GTF3C5: variants seen among roughly 807,000 people sequenced by gnomAD.
The protein encoded by GTF3C5 is general transcription factor IIIC subunit 5, also known as general transcription factor 3C polypeptide 5.
GTF3C5 carries 47 observed loss-of-function variants against 61.0 expected under a neutral mutation model. The observed-to-expected ratio is 0.77, with a 90% CI of 0.61 to 0.98. The LOEUF is 0.98. Ranked by LOEUF, GTF3C5 falls within the 50% of genes least tolerant of loss-of-function variation. The probability of loss-of-function intolerance (pLI) is 0.00; values close to 1 mark genes in which losing one functional copy is unlikely to be tolerated. For synonymous variants in GTF3C5, 295 were observed against 275.4 expected (o/e 1.07, Z -0.71); for missense variants, 659 against 703.3 (o/e 0.94, Z 0.71).
chr9:133,032,052 C>G (rs1244126945), intron 1 of GTF3C5, among the ~76,000 whole-genome samples: 1 of 152,134 alleles, frequency 6.6e-6, no homozygotes, highest in Non-Finnish European at 1.5e-5. Context: ...ACTCATAACT[C>G]ATTGTATTTA....
chr9:133,044,856 A>C (rs989754606), intron 3 of GTF3C5, among the ~76,000 whole-genome samples: 1 of 152,116 alleles, frequency 6.6e-6, no homozygotes, highest in Non-Finnish European at 1.5e-5. Flanking sequence ...ACCGAGAGCT[A>C]TGAAAAGCCA....
chr9:133,045,760 C>T (rs576588577), intron 3 of GTF3C5, among the ~76,000 whole-genome samples: 209 of 152,310 alleles, frequency 1.4e-3, no homozygotes, highest in African/African-American at 4.6e-3. Context: ...CCTCAGCCTC[C>T]TGAGTAGTTG....
intron 2 of GTF3C5, 107 bp from the exon 3 acceptor site, chr9:133,043,621 C>T: frequency 1.2e-6 from 1 of 866,154 alleles, no homozygotes; most frequent in Admixed American, 1.9e-5. Context: ...CTGCAGCCTC[C>T]ACCACATGGC....
intron 7 of GTF3C5, 111 bp from the exon 8 acceptor site, chr9:133,054,601 C>A (rs1829873137): frequency 4.3e-6 from 6 of 1,407,788 alleles, no homozygotes; most frequent in Non-Finnish European, 4.9e-6. Context: ...CTCTGCCGGT[C>A]ATTCCTCCCC....
Position 133,055,742 on chromosome 9 carries a change from C to T in GTF3C5, c.1168-270C>T, listed in dbSNP as rs571757158. ...GCTAGTGCCAGCCCCATGCCATGGG[C>T]GCCATGGCCTGCTGCACGGGCGGGC... On this transcript the variant is annotated intron_variant, in intron 8 of 10. Coordinates refer to ENST00000372097, the MANE Select transcript of GTF3C5 (RefSeq NM_012087.4). 1.6e-4 allele frequency: 206 copies of T among 1,305,682 alleles called. No individual in the cohort carries two copies. In the South Asian group the frequency reaches 2.0e-3, roughly 12 times the overall value. 80.9% of individuals were successfully genotyped at this position (1,305,682 alleles called of 1,614,324 possible).
In GTF3C5 at chr9:133,050,991, C is replaced by G. The variant is rs376674843; in HGVS notation, c.768+13C>G. The G allele has an allele frequency of 1.0e-5, 16 of 1,577,642 alleles. No individual in the cohort carries two copies. The African/African-American group carries it at 2.0e-4, about 20-fold the overall frequency. On this transcript the variant is annotated intron_variant, in intron 4 of 10. Transcript: ENST00000372097. ...GGAGCTGAGGAAGGCAAGTCCTGCGCTGCGCCTGGCCCCGGTGGCTCCAGC... is the reference window on the plus strand; with the variant it reads ...GGAGCTGAGGAAGGCAAGTCCTGCGGTGCGCCTGGCCCCGGTGGCTCCAGC...
intron 9 of GTF3C5, 57 bp from the exon 10 acceptor site, chr9:133,056,709 T>C: frequency 6.7e-7 from 1 of 1,492,240 alleles, no homozygotes; most frequent in East Asian, 2.4e-5. Context: ...AACACTGGCA[T>C]CTCTTAGCAG....
chr9:133,033,572 A>C (rs1343696446), intron 1 of GTF3C5, among the ~76,000 whole-genome samples: 1 of 152,178 alleles, frequency 6.6e-6, no homozygotes, highest in Non-Finnish European at 1.5e-5. Flanking sequence ...GATAGCCCTC[A>C]GGGGCTGACC....
Position 133,031,128 on chromosome 9 carries a change from G to A in GTF3C5, c.117G>A (p.Met39Ile). Residue 39 changes from methionine to isoleucine, a missense_variant, in exon 1 of 11, where the codon ATG becomes ATA. Coordinates refer to ENST00000372097, the MANE Select transcript of GTF3C5 (RefSeq NM_012087.4). Reference protein sequence around the residue: ...YPGVVRDVAKMLPTLGGEEGV... With the variant: ...YPGVVRDVAKILPTLGGEEGV... ...GAGTGGTGCGTGATGTGGCTAAGAT[G>A]CTGCCGACTCTGGGCGGCGAGGAAG... is the stretch of plus-strand genomic sequence containing the variant. 1.3e-6 allele frequency: 2 copies of A among 1,597,600 alleles called. No homozygotes were observed. Among genetic ancestry groups the A allele is most frequent in the Non-Finnish European group, 1.7e-6 (2 of 1,170,944 alleles).
chr9:133,053,721 C>A lies in GTF3C5; in HGVS notation c.874-107C>A, dbSNP rs1372714026. On this transcript the variant is annotated intron_variant, in intron 5 of 10. Transcript: ENST00000372097. ...CAGAGCAGGGCTGGGCATCCAGAGC[C>A]CTGTCCCCAGCTCCTGAGCTCTTCT... is the stretch of plus-strand genomic sequence containing the variant. 10 of 651,462 alleles carry A rather than the reference C, an allele frequency of 1.5e-5. No individual in the cohort carries two copies. In the Middle Eastern group the frequency reaches 1.8e-3, roughly 117 times the overall value. The allele number at this position is 651,462 out of a possible 1,614,324, so 40.4% of individuals were successfully genotyped here.
chr9:133,043,832 T>A lies in GTF3C5; in HGVS notation c.478T>A (p.Phe160Ile), dbSNP rs1275408351. The A allele has an allele frequency of 1.9e-6, 3 of 1,614,110 alleles. No homozygotes were observed. Among genetic ancestry groups the A allele is most frequent in the Non-Finnish European group, 2.5e-6 (3 of 1,179,990 alleles). Residue 160 changes from phenylalanine (F) to isoleucine (I), a missense_variant, in exon 3 of 11, where the codon TTC becomes ATC. Transcript: ENST00000372097. ...GCTCCGGCCCGAGAAGGAGGCCTTT[T>A]TCCACCAGGAGCTGCCGCTCTACAT... ...LMLRPEKEAF[F>I]HQELPLYIPP...
At chr9:133,056,725 C>G in intron 9 of GTF3C5, 41 bp from the exon 10 acceptor site, 1 of 1,541,418 alleles carries the variant, frequency 6.5e-7, no homozygotes, top group South Asian at 1.2e-5. Flanking sequence ...AGCAGAGACC[C>G]GCCCTGGGAC....
chr9:133,055,299 C>A, intron 8 of GTF3C5: 1 of 1,400,438 alleles, frequency 7.1e-7, no homozygotes, highest in Non-Finnish European at 9.4e-7. Flanking sequence ...CGCTCCACAG[C>A]CCTGGGGGAG....
chr9:133,031,699 A>G (rs1162990114), intron 1 of GTF3C5, among the ~76,000 whole-genome samples: 1 of 152,158 alleles, frequency 6.6e-6, no homozygotes, highest in Non-Finnish European at 1.5e-5. Flanking sequence ...ACCGACAAGG[A>G]AGGGGAAGGG....
At chr9:133,057,579 G>A (rs547257931) in intron 10 of GTF3C5, among the ~76,000 whole-genome samples, 64 of 152,300 alleles carry the variant, frequency 4.2e-4, no homozygotes, top group African/African-American at 1.5e-3. Context: ...TCACTCCTGA[G>A]GGTCCATGGG....
rs991333519 is a variant in GTF3C5, at chr9:133,053,942, G to A, written c.988G>A (p.Gly330Ser). 2.0e-5 allele frequency: 31 copies of A among 1,579,520 alleles called. No homozygotes were observed. The highest frequency in any genetic ancestry group is 2.5e-5 in the Non-Finnish European group (29 of 1,150,776). Residue 330 changes from glycine (G) to serine (S), a missense_variant and splice_region_variant, in exon 6 of 11, where the codon GGT (glycine) becomes AGT (serine). Gly to Ser is a moderately conservative substitution (Grantham distance 56). Transcript: ENST00000372097. ...DFRIRCGMKH[G>S]YAPSDLPVKA... is the part of the protein sequence containing the mutation. ...CCGAATCCGTTGTGGAATGAAACAC[G>A]GTAAAAATTCCTGAAAGCTTTGCTT...
chr9:133,037,017 G>A (rs191798925), intron 1 of GTF3C5, among the ~76,000 whole-genome samples: 2 of 152,248 alleles, frequency 1.3e-5, no homozygotes, highest in East Asian at 1.9e-4. Flanking sequence ...ACGTATTGGA[G>A]CAGGCATGTG....
intron 3 of GTF3C5, among the ~76,000 whole-genome samples, chr9:133,047,615 A>G (rs988227962): frequency 6.6e-6 from 1 of 151,058 alleles, no homozygotes; most frequent in African/African-American, 2.4e-5. Flanking sequence ...TCTGCCTCCC[A>G]GGTTCAAGTG....
intron 1 of GTF3C5, among the ~76,000 whole-genome samples, chr9:133,037,947 C>T (rs936621033): frequency 6.6e-5 from 10 of 152,168 alleles, no homozygotes; most frequent in Admixed American, 2.0e-4. Flanking sequence ...CCAGAGCACA[C>T]GGAACAAAGG....
Sources: allele counts gnomAD v4.1 joint callset (sites outside exome capture counted in the v4.1 genomes callset), GRCh38; gene constraint gnomAD v4.1.1; transcripts MANE v1.5; gene names NCBI Gene and HGNC (gene_info 2026-07-23, HGNC 2026-07-21).